Variants in SYT9 observed in about 807,000 individuals in gnomAD.
The protein encoded by SYT9 is synaptotagmin-9.
SYT9 carries 22 observed loss-of-function variants against 48.4 expected under a neutral mutation model. The ratio of observed to expected loss-of-function variants is 0.45; its 90% CI spans 0.32 to 0.65. The LOEUF is 0.65. Among genes scored for constraint, SYT9 ranks in the 30% least tolerant of loss-of-function variants. SYT9 has a pLI of 0.03. For missense variants in SYT9, 577 were observed against 622.0 expected, an observed-to-expected ratio of 0.93 and a Z score of 0.77; for synonymous variants, 265 against 245.0, an observed-to-expected ratio of 1.08 and a Z score of -0.76.
intron 1 of SYT9, among the ~76,000 whole-genome samples, chr11:7,283,799 C>T (rs1012457325): frequency 2.6e-5 from 4 of 152,048 alleles, no homozygotes; most frequent in Admixed American, 1.3e-4. Context: ...AATGAATTGC[C>T]TTATCACATC....
At chr11:7,244,871 T>G (rs552133654) in intron 1 of SYT9, among the ~76,000 whole-genome samples, 26 of 152,216 alleles carry the variant, frequency 1.7e-4, no homozygotes, top group Non-Finnish European at 3.1e-4. Context: ...GTTGAGATGC[T>G]GTAACCCAAG....
At chr11:7,340,118 T>C (rs958127932) in intron 3 of SYT9, among the ~76,000 whole-genome samples, 10 of 152,216 alleles carry the variant, frequency 6.6e-5, no homozygotes, top group Non-Finnish European at 1.3e-4. Context: ...GTCTAAAAGT[T>C]CTGAGATTCC....
At chr11:7,259,711 C>G (rs1002189578) in intron 1 of SYT9, among the ~76,000 whole-genome samples, 2 of 152,076 alleles carry the variant, frequency 1.3e-5, no homozygotes, top group South Asian at 4.1e-4. Context: ...CATTCTCTAT[C>G]ATGTACCAGT....
At chr11:7,311,271 C>T (rs925264375) in intron 2 of SYT9, among the ~76,000 whole-genome samples, 1 of 152,222 alleles carries the variant, frequency 6.6e-6, no homozygotes, top group Non-Finnish European at 1.5e-5. Context: ...CATTGCACTT[C>T]AGCCCCAGTT....
At chr11:7,350,870 A>G (rs985013051) in intron 3 of SYT9, among the ~76,000 whole-genome samples, 1 of 152,224 alleles carries the variant, frequency 6.6e-6, no homozygotes, top group Admixed American at 6.5e-5. Context: ...AACATTTCTA[A>G]ATGTGTAAAA....
At chr11:7,436,455 C>T (rs568659406) in intron 6 of SYT9, among the ~76,000 whole-genome samples, 71 of 152,182 alleles carry the variant, frequency 4.7e-4, no homozygotes, top group Non-Finnish European at 9.4e-4. Context: ...GTTGCTTAGT[C>T]GGATCTCAGA....
chr11:7,297,696 A>G (rs959617949), intron 1 of SYT9, among the ~76,000 whole-genome samples: 1 of 152,160 alleles, frequency 6.6e-6, no homozygotes, highest in African/African-American at 2.4e-5. Flanking sequence ...AATCTCCTAC[A>G]TTCATCCTCA....
At chr11:7,391,735 TAAA>T (rs71059104) in intron 3 of SYT9, among the ~76,000 whole-genome samples, 9,670 of 36,444 alleles carry the variant, frequency 0.27, 852 homozygotes, top group Middle Eastern at 0.4. Context: ...ACCCCATCTC[TAAA>T]AAAAAAAAAA....
At chr11:7,328,088 TAATAATAATA>T in intron 3 of SYT9, among the ~76,000 whole-genome samples, 1 of 114,600 alleles carries the variant, frequency 8.7e-6, no homozygotes, top group South Asian at 3.8e-4. Flanking sequence ...ATAATAATAA[TAATAATAATA>T]ATTTTAAAAA....
At chr11:7,295,819 A>G (rs1024652018) in intron 1 of SYT9, among the ~76,000 whole-genome samples, 1 of 152,118 alleles carries the variant, frequency 6.6e-6, no homozygotes, top group East Asian at 1.9e-4. Flanking sequence ...TGCAACTAGC[A>G]CTCTTGAAAT....
At chr11:7,453,942 A>G in intron 6 of SYT9, 1 of 963,274 alleles carries the variant, frequency 1.0e-6, no homozygotes, top group Non-Finnish European at 1.2e-6. Flanking sequence ...ACCAGGGAAG[A>G]GGCCTTAAGC....
chr11:7,245,009 CAGATA>C (rs754656356), intron 1 of SYT9, among the ~76,000 whole-genome samples: 4 of 152,144 alleles, frequency 2.6e-5, no homozygotes, highest in Non-Finnish European at 5.9e-5. Flanking sequence ...ACGTAGAAGA[CAGATA>C]AGATGATGAG....
At chr11:7,379,831 C>T (rs73399511) in intron 3 of SYT9, among the ~76,000 whole-genome samples, 2,172 of 152,206 alleles carry the variant, frequency 0.014, 51 homozygotes, top group African/African-American at 0.049. Context: ...AATGCTTGTG[C>T]ACTGTTGATG....
chr11:7,451,031 C>T (rs1848037514), intron 6 of SYT9, among the ~76,000 whole-genome samples: 1 of 152,210 alleles, frequency 6.6e-6, no homozygotes, highest in African/African-American at 2.4e-5. Context: ...TCTTTTGTTT[C>T]CATCCTGCTG....
chr11:7,421,143 C>T (rs1164875090), intron 6 of SYT9, among the ~76,000 whole-genome samples: 1 of 152,308 alleles, frequency 6.6e-6, no homozygotes, highest in South Asian at 2.1e-4. Context: ...ATTTATTTCT[C>T]TCTCTTATAT....
In SYT9 at chr11:7,252,149, C is replaced by G; in HGVS notation, c.-38C>G. ...GGCAGGCGGAGGGCTGTCTCCTGCG[C>G]CCGCCTGCCCGGCGCGGTCCGAGGA... On this transcript the variant is annotated 5_prime_UTR_variant, in exon 1 of 7. Transcript: ENST00000318881. The surrounding 1 kb of genome is among the most constrained non-coding windows in gnomAD (Gnocchi z 6.3). The G allele has an allele frequency of 7.2e-7, 1 of 1,383,852 alleles. No homozygotes were observed. Among genetic ancestry groups the G allele is most frequent in the Non-Finnish European group, 9.3e-7 (1 of 1,073,430 alleles). 85.7% of individuals were successfully genotyped at this position (1,383,852 alleles called of 1,614,324 possible). A position where few individuals can be genotyped will look rare whatever the true frequency, so the allele number is the denominator to read the frequency against.
intron 3 of SYT9, among the ~76,000 whole-genome samples, chr11:7,353,837 T>G (rs187292668): frequency 9.2e-5 from 14 of 152,370 alleles, no homozygotes; most frequent in Non-Finnish European, 1.6e-4. Flanking sequence ...GTATATTTTC[T>G]TGTTTATCAA....
intron 6 of SYT9, chr11:7,454,203 C>CA: frequency 1.0e-6 from 1 of 985,330 alleles, no homozygotes; most frequent in Non-Finnish European, 1.2e-6. Context: ...TTTTAATACT[C>CA]AAATACCCTG....
At chr11:7,376,841 T>G (rs1359434715) in intron 3 of SYT9, among the ~76,000 whole-genome samples, 1 of 151,806 alleles carries the variant, frequency 6.6e-6, no homozygotes, top group African/African-American at 2.4e-5. Context: ...GGAAAGTATC[T>G]TCCAGACTGA....
Sources: gnomAD v4.1 joint callset for allele counts (sites outside exome capture counted in the v4.1 genomes callset) on GRCh38, gnomAD v4.1.1 for gene constraint, Gnocchi (gnomAD v3.1) non-coding constraint, MANE v1.5 for transcripts, NCBI Gene and HGNC (gene_info 2026-07-23, HGNC 2026-07-21) for gene names.